Variants in DPP10 observed in about 807,000 individuals in gnomAD.
The protein encoded by DPP10 is dipeptidyl peptidase like 10.
Under a neutral mutation model 120.9 loss-of-function variants are expected in DPP10, and 33 were observed. That is an observed-to-expected ratio of 0.27 (90% confidence interval 0.21 to 0.37). The LOEUF is 0.37. DPP10 is among the 10% of genes least tolerant of loss of function. The pLI is 1.00. For synonymous variants in DPP10, 337 were observed against 326.1 expected (o/e 1.03, Z -0.36); for missense variants, 816 against 942.8 (o/e 0.87, Z 1.76).
intron 1 of DPP10, among the ~76,000 whole-genome samples, chr2:115,247,460 T>G (rs1294553680): frequency 6.6e-6 from 1 of 152,110 alleles, no homozygotes; most frequent in African/African-American, 2.4e-5. Flanking sequence ...TGAATGATAT[T>G]TATCTCGGAG....
intron 5 of DPP10, among the ~76,000 whole-genome samples, chr2:115,546,708 A>G (rs998511772): frequency 6.6e-6 from 1 of 152,238 alleles, no homozygotes; most frequent in East Asian, 1.9e-4. Flanking sequence ...TTCTTTGCAG[A>G]TAGTCAAGAG....
intron 1 of DPP10, among the ~76,000 whole-genome samples, chr2:115,175,407 T>C (rs1559186912): frequency 6.6e-6 from 1 of 151,784 alleles, no homozygotes; most frequent in African/African-American, 2.4e-5. Context: ...TTAAGAGGGG[T>C]GGGGGAACAG....
rs1051884920 is a variant in DPP10, at chr2:115,722,379, A to G, written c.577-5437A>G. Among the ~76,000 whole-genome samples the G allele has an allele frequency of 2.0e-5, 3 of 151,860 alleles. No homozygotes were observed. The South Asian group carries it at 6.2e-4, about 32-fold the overall frequency. ...TTAAAAGGCAAACACAGATCCTTCC[A>G]TAGTCTCTTCATGCTTTTGTGTATT... On this transcript the variant is annotated intron_variant, in intron 7 of 25. Coordinates refer to ENST00000410059, the MANE Select transcript of DPP10 (RefSeq NM_020868.6).
chr2:114,556,318 A>T (rs1217019093), intron 1 of DPP10, among the ~76,000 whole-genome samples: 4 of 149,484 alleles, frequency 2.7e-5, no homozygotes, highest in Non-Finnish European at 5.9e-5. Context: ...ATAGATAGAA[A>T]TAGGTAGATA....
rs74320885 is a variant in DPP10, at chr2:114,815,344, T to C, written c.60+372506T>C. On this transcript the variant is annotated intron_variant, in intron 1 of 25. Coordinates refer to ENST00000410059, the MANE Select transcript of DPP10 (RefSeq NM_020868.6). Reference sequence around the variant, plus strand: ...TGCCCAGCATTGAGCCAAGCACTCATGTACTAGGAAAGGTAGGAAGTGGCC... The same window carrying C: ...TGCCCAGCATTGAGCCAAGCACTCACGTACTAGGAAAGGTAGGAAGTGGCC... Among the ~76,000 whole-genome samples, 249 of 152,282 alleles carry C rather than the reference T, an allele frequency of 1.6e-3. 11 individuals carry two copies. The East Asian group carries it at 0.04, about 25-fold the overall frequency.
intron 3 of DPP10, among the ~76,000 whole-genome samples, chr2:115,469,536 C>A (rs1373813470): frequency 6.6e-6 from 1 of 152,100 alleles, no homozygotes; most frequent in Non-Finnish European, 1.5e-5. Context: ...AATCAATATC[C>A]CTTCAGAGGT....
At chr2:114,603,914 A>G (rs785031) in intron 1 of DPP10, among the ~76,000 whole-genome samples, 16,543 of 152,074 alleles carry the variant, frequency 0.11, 1,202 homozygotes, top group East Asian at 0.21. Context: ...AGTCATATAT[A>G]TAGCTACAAT....
At chr2:114,790,845 A>T (rs1683178749) in intron 1 of DPP10, among the ~76,000 whole-genome samples, 2 of 152,196 alleles carry the variant, frequency 1.3e-5, no homozygotes, top group African/African-American at 4.8e-5. Context: ...GTGATTCTTC[A>T]GTTACTTCAG....
At chr2:114,884,501 A>C (rs1273783260) in intron 1 of DPP10, among the ~76,000 whole-genome samples, 2 of 152,128 alleles carry the variant, frequency 1.3e-5, no homozygotes, top group African/African-American at 2.4e-5. Context: ...TGGCCAGCCA[A>C]GTTTTTCTCC....
intron 1 of DPP10, chr2:115,162,312 C>T (rs1044059229): frequency 2.0e-6 from 3 of 1,490,510 alleles, no homozygotes; most frequent in African/African-American, 2.9e-5. Flanking sequence ...CGGCGGGCGG[C>T]CCACCGAGGG....
At chr2:114,735,712 T>C (rs2105962581) in intron 1 of DPP10, among the ~76,000 whole-genome samples, 1 of 152,228 alleles carries the variant, frequency 6.6e-6, no homozygotes, top group East Asian at 2.0e-4. Flanking sequence ...GCATTTGAGT[T>C]GCCAGACGTA....
chr2:115,399,798 T>G (rs2067934038), intron 3 of DPP10, among the ~76,000 whole-genome samples: 1 of 152,194 alleles, frequency 6.6e-6, no homozygotes, highest in Non-Finnish European at 1.5e-5. Context: ...TTCTTCTAAG[T>G]GTTTCATAAA....
intron 1 of DPP10, among the ~76,000 whole-genome samples, chr2:115,274,625 T>G (rs1434584712): frequency 6.6e-6 from 1 of 152,192 alleles, no homozygotes; most frequent in African/African-American, 2.4e-5. Context: ...ATTAGAAGTT[T>G]ATGGCAACAT....
At chr2:115,038,559 G>A (rs1411027069) in intron 1 of DPP10, among the ~76,000 whole-genome samples, 3 of 152,114 alleles carry the variant, frequency 2.0e-5, no homozygotes, top group Non-Finnish European at 1.5e-5. Flanking sequence ...TTACAAGCAT[G>A]AGCCACTGCA....
intron 11 of DPP10, among the ~76,000 whole-genome samples, chr2:115,758,038 G>T (rs1383473153): frequency 6.6e-6 from 1 of 152,016 alleles, no homozygotes; most frequent in Non-Finnish European, 1.5e-5. Context: ...CCCACTCAGA[G>T]TAATTTAGCA....
chr2:115,503,777 T>C (rs2148807209), intron 4 of DPP10, among the ~76,000 whole-genome samples: 1 of 152,230 alleles, frequency 6.6e-6, no homozygotes, highest in African/African-American at 2.4e-5. Flanking sequence ...CTGGGGGTGA[T>C]TTTGCTCCCA....
At chr2:114,516,713 A>G (rs867264330) in intron 1 of DPP10, among the ~76,000 whole-genome samples, 3 of 152,242 alleles carry the variant, frequency 2.0e-5, no homozygotes, top group Admixed American at 2.0e-4. Flanking sequence ...AGGCTTCTAA[A>G]TAGTTTAAAC....
At chr2:115,299,623 A>G (rs1297080852) in intron 1 of DPP10, among the ~76,000 whole-genome samples, 1 of 152,060 alleles carries the variant, frequency 6.6e-6, no homozygotes, top group East Asian at 1.9e-4. Flanking sequence ...TATAAGAAAT[A>G]TATAAATTCA....
At chr2:115,604,210 G>A (rs1216509819) in intron 5 of DPP10, among the ~76,000 whole-genome samples, 1 of 152,000 alleles carries the variant, frequency 6.6e-6, no homozygotes, top group African/African-American at 2.4e-5. Context: ...TAAGTTGGGT[G>A]ATGACAGTGG....
Sources: allele counts gnomAD v4.1 joint callset (sites outside exome capture counted in the v4.1 genomes callset), GRCh38; gene constraint gnomAD v4.1.1; transcripts MANE v1.5; gene names NCBI Gene and HGNC (gene_info 2026-07-23, HGNC 2026-07-21).